KIRREL3: variants seen among roughly 807,000 people sequenced by gnomAD.
KIRREL3 encodes kirre like nephrin family adhesion molecule 3.
KIRREL3 carries 36 observed loss-of-function variants against 89.7 expected under a neutral mutation model. That is an observed-to-expected ratio of 0.40 (90% CI 0.31 to 0.53). The LOEUF (loss-of-function observed/expected upper bound fraction) is 0.53, where lower values mean the gene tolerates loss of function less well. Ranked by LOEUF, KIRREL3 falls within the 20% of genes least tolerant of loss-of-function variation. The pLI, the probability that KIRREL3 is intolerant of heterozygous loss-of-function variation, is 0.49. For missense variants in KIRREL3, 864 were observed against 1,056.6 expected (o/e 0.82, Z 2.53); for synonymous variants, 445 against 441.4 (o/e 1.01, Z -0.10).
At chr11:126,549,079 A>G (rs1939049356) in intron 2 of KIRREL3, among the ~76,000 whole-genome samples, 1 of 152,202 alleles carries the variant, frequency 6.6e-6, no homozygotes, top group Non-Finnish European at 1.5e-5. Context: ...TACTAAGAAT[A>G]GTGGTTATTC....
chr11:126,707,523 T>C (rs376450661), intron 1 of KIRREL3, among the ~76,000 whole-genome samples: 2 of 152,190 alleles, frequency 1.3e-5, no homozygotes, highest in African/African-American at 2.4e-5. Flanking sequence ...CCTATGTCTA[T>C]ACTCTATGTC....
In KIRREL3 at chr11:126,669,912, ATC is replaced by A. The variant is rs1307486834; in HGVS notation, c.56-107002_56-107001del. ...CAGACTTGTAGCCCCCACCCTGCACATCTGTCTCTCTCCCAGTCTTCAGCATG... is the reference window on the plus strand; with the variant it reads ...CAGACTTGTAGCCCCCACCCTGCACATGTCTCTCTCCCAGTCTTCAGCATG... On this transcript the variant is annotated intron_variant, in intron 1 of 16. Transcript: ENST00000525144. This position sits in a 1 kb window ranked among gnomAD's most constrained non-coding sequence, Gnocchi z 5.0. Among the ~76,000 whole-genome samples the A allele has an allele frequency of 3.3e-5, 5 of 152,020 alleles. No homozygotes were observed. The East Asian group carries it at 7.7e-4, about 24-fold the overall frequency.
rs1250728075 is a variant in KIRREL3, at chr11:126,994,641, T to C, written c.55+5814A>G. On this transcript the variant is annotated intron_variant, in intron 1 of 16. Coordinates refer to ENST00000525144, the MANE Select transcript of KIRREL3 (RefSeq NM_032531.4). The surrounding 1 kb of genome is among the most constrained non-coding windows in gnomAD (Gnocchi z 5.2). ...CAGCCAGAATACTCATTTTTACCAC[T>C]GGGAGAGGAGAAAAAGAATTAAAAA... 1.3e-5 allele frequency among the ~76,000 whole-genome samples: 2 copies of C among 152,140 alleles called. No homozygotes were observed. The highest frequency in any genetic ancestry group is 2.4e-5 in the African/African-American group (1 of 41,430).
intron 7 of KIRREL3, 54 bp from the exon 8 acceptor site, chr11:126,449,211 C>T (rs571135669): frequency 7.4e-5 from 118 of 1,597,616 alleles, no homozygotes; most frequent in South Asian, 2.9e-4. Context: ...GCCAACCCTC[C>T]GGGAGCTGGA....
intron 1 of KIRREL3, among the ~76,000 whole-genome samples, chr11:126,834,590 A>T (rs1473002078): frequency 6.6e-6 from 1 of 152,250 alleles, no homozygotes; most frequent in Non-Finnish European, 1.5e-5. Context: ...GTGACAAAAA[A>T]TTATTTTGAG....
In KIRREL3 at chr11:126,434,937, G is replaced by C. The variant is rs535285480; in HGVS notation, c.1588+331C>G. Among the ~76,000 whole-genome samples, 5 of 152,256 alleles carry C rather than the reference G, an allele frequency of 3.3e-5. No homozygotes were observed. The East Asian group carries it at 9.7e-4, about 29-fold the overall frequency. The stretch of plus-strand genomic sequence containing the variant: ...GAAGCAGAAGGCAGTCAGGACAGGG[G>C]CCAGCTGACCCCAGAGGCCAGGAGT... On this transcript the variant is annotated intron_variant, in intron 13 of 16. Coordinates refer to ENST00000525144, the MANE Select transcript of KIRREL3 (RefSeq NM_032531.4).
intron 1 of KIRREL3, among the ~76,000 whole-genome samples, chr11:126,573,368 C>A (rs1235522570): frequency 6.6e-6 from 1 of 152,144 alleles, no homozygotes; most frequent in Non-Finnish European, 1.5e-5. Context: ...TAACTTGGGC[C>A]ACCTTGGGAG....
intron 1 of KIRREL3, among the ~76,000 whole-genome samples, chr11:126,590,778 T>C (rs1942095427): frequency 6.6e-6 from 1 of 152,134 alleles, no homozygotes; most frequent in African/African-American, 2.4e-5. Flanking sequence ...CCCTCCTAGA[T>C]ACCTTGGTAG....
rs1299645051 is a variant in KIRREL3 at position 126,811,002 on chromosome 11, T to C, written c.55+189453A>G. ...GTACGTTAATGAGCCTTGCAGCCGG[T>C]CTGACAAACCCCATCTGCTTCGTTC... On this transcript the variant is annotated intron_variant, in intron 1 of 16. Coordinates refer to ENST00000525144, the MANE Select transcript of KIRREL3 (RefSeq NM_032531.4). The surrounding 1 kb of genome is among the most constrained non-coding windows in gnomAD (Gnocchi z 4.3). Among the ~76,000 whole-genome samples, 1 of 152,092 alleles carries C rather than the reference T, an allele frequency of 6.6e-6. No homozygotes were observed. The highest frequency in any genetic ancestry group is 2.4e-5 in the African/African-American group (1 of 41,420).
At position 126,608,966 on chromosome 11, in the gene KIRREL3, G is replaced by GTTTCT. The variant is rs1943006979; in HGVS notation, c.56-46055_56-46054insAGAAA. ...CTTCCTGTGGGTCAGAGTACAGGGT[G>GTTTCT]GGTAGCAGAAACAATCAGGCCAGAG... On this transcript the variant is annotated intron_variant, in intron 1 of 16. Coordinates refer to ENST00000525144, the MANE Select transcript of KIRREL3 (RefSeq NM_032531.4). This position sits in a 1 kb window ranked among gnomAD's most constrained non-coding sequence, Gnocchi z 4.9. Among the ~76,000 whole-genome samples, 3 of 152,174 alleles carry GTTTCT rather than the reference G, an allele frequency of 2.0e-5. No homozygotes were observed. Among genetic ancestry groups the GTTTCT allele is most frequent in the Admixed American group, 6.5e-5 (1 of 15,280 alleles).
At chr11:126,785,313 C>G (rs1374796221) in intron 1 of KIRREL3, among the ~76,000 whole-genome samples, 1 of 152,140 alleles carries the variant, frequency 6.6e-6, no homozygotes, top group African/African-American at 2.4e-5. Context: ...CATGCCAAGT[C>G]TGACATTAAT....
At position 126,744,876 on chromosome 11, in the gene KIRREL3, TAA is replaced by T. The variant is rs34828983; in HGVS notation, c.56-181966_56-181965del. Among the ~76,000 whole-genome samples, 2,072 of 143,442 alleles carry T rather than the reference TAA, an allele frequency of 0.014. 11 individuals carry two copies. The highest frequency in any genetic ancestry group is 0.02 in the Non-Finnish European group (1,341 of 65,568). The allele number at this position is 143,442 out of a possible 152,430, so 94.1% of individuals were successfully genotyped here. A position where few individuals can be genotyped will look rare whatever the true frequency, so the allele number is the denominator to read the frequency against. ...ATTGTGTCTGCCACATAGTAAGTGC[TAA>T]AAAAAAAAAAAAAGGTGGGAAAAGT... is the stretch of plus-strand genomic sequence containing the variant. On this transcript the variant is annotated intron_variant, in intron 1 of 16. Transcript: ENST00000525144. This position sits in a 1 kb window ranked among gnomAD's most constrained non-coding sequence, Gnocchi z 4.7.
chr11:126,775,805 G>T (rs1453633469), intron 1 of KIRREL3, among the ~76,000 whole-genome samples: 2 of 152,324 alleles, frequency 1.3e-5, no homozygotes, highest in East Asian at 3.9e-4. Context: ...TTGAGCTGGG[G>T]TGTGGAGCTG....
At chr11:126,588,337 A>G (rs1416314145) in intron 1 of KIRREL3, among the ~76,000 whole-genome samples, 1 of 152,254 alleles carries the variant, frequency 6.6e-6, no homozygotes, top group African/African-American at 2.4e-5. Context: ...ACTCAGCCAC[A>G]GGTATCCTTG....
intron 1 of KIRREL3, among the ~76,000 whole-genome samples, chr11:126,919,113 T>C (rs1947165100): frequency 6.6e-6 from 1 of 152,112 alleles, no homozygotes; most frequent in African/African-American, 2.4e-5. Context: ...TAGGTTTTCA[T>C]ACCTTTCAAG....
chr11:126,799,410 G>GCA (rs1950948816), intron 1 of KIRREL3, among the ~76,000 whole-genome samples: 2 of 101,526 alleles, frequency 2.0e-5, no homozygotes, highest in East Asian at 4.1e-4. Context: ...ATCTATCTGT[G>GCA]TGTGCGTCTC....
Position 126,610,825 on chromosome 11 carries a change from A to G in KIRREL3, c.56-47913T>C, listed in dbSNP as rs1173508362. On this transcript the variant is annotated intron_variant, in intron 1 of 16. Coordinates refer to ENST00000525144, the MANE Select transcript of KIRREL3 (RefSeq NM_032531.4). The surrounding 1 kb of genome is among the most constrained non-coding windows in gnomAD (Gnocchi z 4.6). ...CCCAGATCATGCAGGTCGGGGCAGA[A>G]GCTTCTCACTCAGAGAACTGAGAAT... is the stretch of plus-strand genomic sequence containing the variant. 1.3e-5 allele frequency: 2 copies of G among 152,206 alleles called. No individual in the cohort carries two copies. Among genetic ancestry groups the G allele is most frequent in the African/African-American group, 2.4e-5 (1 of 41,442 alleles). The allele number at this position is 152,206 out of a possible 1,614,324, so 9.4% of individuals were successfully genotyped here. A position where few individuals can be genotyped will look rare whatever the true frequency, so the allele number is the denominator to read the frequency against.
At chr11:126,621,498 G>A (rs1943572576) in intron 1 of KIRREL3, among the ~76,000 whole-genome samples, 2 of 152,212 alleles carry the variant, frequency 1.3e-5, no homozygotes, top group Admixed American at 1.3e-4. Flanking sequence ...TTAAAAGCGT[G>A]TGAGAGGCTT....
chr11:126,757,027 T>A (rs1488606533), intron 1 of KIRREL3, among the ~76,000 whole-genome samples: 1 of 152,174 alleles, frequency 6.6e-6, no homozygotes, highest in African/African-American at 2.4e-5. Flanking sequence ...TATGCCATGT[T>A]ACACACATCA....
Sources: allele counts gnomAD v4.1 joint callset (sites outside exome capture counted in the v4.1 genomes callset), GRCh38; gene constraint gnomAD v4.1.1; non-coding constraint Gnocchi (gnomAD v3.1); transcripts MANE v1.5; gene names NCBI Gene and HGNC (gene_info 2026-07-23, HGNC 2026-07-21).